The following PRR5L variants were observed in gnomAD, a reference collection of about 807,000 sequenced individuals.
PRR5L encodes the protein proline rich 5 like, also known as proline-rich protein 5-like.
A neutral mutation model predicts 36.4 loss-of-function variants in PRR5L; 21 were observed. The observed-to-expected ratio is 0.58, with a 90% CI of 0.41 to 0.83. The LOEUF (loss-of-function observed/expected upper bound fraction) is 0.83. Among genes scored for constraint, PRR5L ranks in the 40% least tolerant of loss-of-function variants. The pLI, the probability that PRR5L is intolerant of heterozygous loss-of-function variation, is 0.00. For synonymous variants in PRR5L, 188 were observed against 197.0 expected (o/e 0.95, Z 0.38); for missense variants, 381 against 473.3 (o/e 0.80, Z 1.81).
chr11:36,383,562 G>A (rs1388335165), intron 1 of PRR5L, among the ~76,000 whole-genome samples: 1 of 152,170 alleles, frequency 6.6e-6, no homozygotes, highest in Admixed American at 6.5e-5. Context: ...ACCAAAAGGA[G>A]TCTGAGGACA....
At chr11:36,433,917 CATT>C (rs1858553633) in intron 5 of PRR5L, among the ~76,000 whole-genome samples, 1 of 152,182 alleles carries the variant, frequency 6.6e-6, no homozygotes. Context: ...GGAAAGGAAA[CATT>C]ATCCCTGGCC....
intron 4 of PRR5L, chr11:36,425,785 A>G (rs1197174132): frequency 6.6e-6 from 1 of 151,950 alleles, no homozygotes; most frequent in East Asian, 1.9e-4. Flanking sequence ...GCACATCATT[A>G]GAGGTGATGG....
intron 1 of PRR5L, chr11:36,388,347 A>C (rs1247983204): frequency 6.6e-6 from 1 of 152,222 alleles, no homozygotes; most frequent in Non-Finnish European, 1.5e-5. Flanking sequence ...CTTTGAAGAA[A>C]TCATATGACC....
At chr11:36,411,645 G>A (rs894927858) in intron 3 of PRR5L, among the ~76,000 whole-genome samples, 2 of 152,160 alleles carry the variant, frequency 1.3e-5, no homozygotes, top group Non-Finnish European at 2.9e-5. Context: ...AATGAAACCA[G>A]GCATGGAAGT....
At chr11:36,383,440 T>C (rs1857404254) in intron 1 of PRR5L, among the ~76,000 whole-genome samples, 1 of 152,192 alleles carries the variant, frequency 6.6e-6, no homozygotes, top group Non-Finnish European at 1.5e-5. Context: ...ACATGTACTG[T>C]TTGGCTTGCA....
chr11:36,375,398 G>T (rs752216782), intron 1 of PRR5L, among the ~76,000 whole-genome samples: 7 of 152,084 alleles, frequency 4.6e-5, no homozygotes, highest in Non-Finnish European at 1.0e-4. Context: ...GAGACACCCA[G>T]AACTTCTTCA....
intron 1 of PRR5L, among the ~76,000 whole-genome samples, chr11:36,312,521 G>A (rs117983451): frequency 1.3e-5 from 2 of 152,172 alleles, no homozygotes; most frequent in Non-Finnish European, 2.9e-5. Flanking sequence ...TGATCTGTTG[G>A]ACCAGCTGTT....
intron 1 of PRR5L, among the ~76,000 whole-genome samples, chr11:36,310,396 A>G (rs1052948035): frequency 6.6e-6 from 1 of 152,182 alleles, no homozygotes; most frequent in Non-Finnish European, 1.5e-5. Context: ...CCACCCAGAG[A>G]GCATTTAATA....
chr11:36,301,407 A>G (rs1239783444), intron 1 of PRR5L, among the ~76,000 whole-genome samples: 1 of 152,218 alleles, frequency 6.6e-6, no homozygotes, highest in Non-Finnish European at 1.5e-5. Flanking sequence ...GATGAAGGGC[A>G]GAACCGAAGC....
chr11:36,451,749 T>C (rs1217805829), intron 8 of PRR5L, among the ~76,000 whole-genome samples: 1 of 152,204 alleles, frequency 6.6e-6, no homozygotes, highest in Non-Finnish European at 1.5e-5. Context: ...CAACTGGAAA[T>C]GTCAGGCCAA....
chr11:36,359,548 A>G (rs1857063455), intron 1 of PRR5L, among the ~76,000 whole-genome samples: 1 of 152,238 alleles, frequency 6.6e-6, no homozygotes, highest in Non-Finnish European at 1.5e-5. Flanking sequence ...CTGACAATCA[A>G]TAATGATGCA....
chr11:36,428,367 G>T (rs1394467072), intron 4 of PRR5L, among the ~76,000 whole-genome samples: 1 of 152,248 alleles, frequency 6.6e-6, no homozygotes, highest in Non-Finnish European at 1.5e-5. Flanking sequence ...CCAACTGCAA[G>T]TGGAGGCCTT....
chr11:36,337,105 C>A (rs999919363), intron 1 of PRR5L, among the ~76,000 whole-genome samples: 1 of 152,108 alleles, frequency 6.6e-6, no homozygotes, highest in African/African-American at 2.4e-5. Flanking sequence ...AAGCAACAAC[C>A]TTTTCAACAT....
intron 6 of PRR5L, 49 bp downstream of exon 6, chr11:36,437,525 C>A: frequency 8.4e-7 from 1 of 1,185,752 alleles, no homozygotes; most frequent in Non-Finnish European, 1.2e-6. Flanking sequence ...GATCTGTCTT[C>A]TCTCCTGGCC....
intron 3 of PRR5L, among the ~76,000 whole-genome samples, chr11:36,410,977 A>C (rs564505717): frequency 6.6e-6 from 1 of 152,222 alleles, no homozygotes; most frequent in East Asian, 1.9e-4. Context: ...GCCAGGGTGC[A>C]GGGCCAGAGA....
At chr11:36,439,288 C>A (rs763785573) in intron 6 of PRR5L, among the ~76,000 whole-genome samples, 44 of 151,716 alleles carry the variant, frequency 2.9e-4, no homozygotes, top group Non-Finnish European at 5.4e-4. Flanking sequence ...ATGGAGAGTG[C>A]AGGATCTGGG....
At chr11:36,411,092 C>T (rs1858016509) in intron 3 of PRR5L, among the ~76,000 whole-genome samples, 2 of 152,232 alleles carry the variant, frequency 1.3e-5, no homozygotes, top group African/African-American at 2.4e-5. Context: ...CAAGCTGCCT[C>T]ATCGTCTTTA....
Position 36,426,361 on chromosome 11 carries a change from C to G in PRR5L, c.295-5492C>G, listed in dbSNP as rs1287084864. On this transcript the variant is annotated intron_variant, in intron 4 of 8. Transcript: ENST00000530639. ...ACTTACTTTGTTAGAACACTTACCT[C>G]AGCCTCGTTACTTAGTCTCTCTGAT... Among the ~76,000 whole-genome samples the G allele has an allele frequency of 5.6e-4, 85 of 152,246 alleles. 2 individuals carry two copies. The highest frequency in any genetic ancestry group is 5.6e-3 in the Admixed American group (85 of 15,288).
chr11:36,449,047 C>G (rs955109797), intron 7 of PRR5L, among the ~76,000 whole-genome samples: 1 of 152,230 alleles, frequency 6.6e-6, no homozygotes, highest in African/African-American at 2.4e-5. Context: ...GGGCATCTGG[C>G]ATCACTTCCC....
Sources: allele counts gnomAD v4.1 joint callset (sites outside exome capture counted in the v4.1 genomes callset), GRCh38; gene constraint gnomAD v4.1.1; transcripts MANE v1.5; gene names NCBI Gene and HGNC (gene_info 2026-07-23, HGNC 2026-07-21).